The following PLS1 variants were observed in gnomAD, a reference collection of about 807,000 sequenced individuals.
The protein encoded by PLS1 is plastin-1.
Under a neutral mutation model 73.7 loss-of-function variants are expected in PLS1, and 32 were observed. The observed-to-expected ratio is 0.43, with a 90% CI of 0.33 to 0.58. The LOEUF is 0.58. Among genes scored for constraint, PLS1 ranks in the 20% least tolerant of loss-of-function variants. PLS1 has a pLI of 0.04. For missense variants in PLS1, 633 were observed against 740.5 expected, an observed-to-expected ratio of 0.85 and a Z score of 1.68; for synonymous variants, 217 against 261.3, an observed-to-expected ratio of 0.83 and a Z score of 1.63.
chr3:142,697,265 G>A (rs995571137), intron 11 of PLS1, among the ~76,000 whole-genome samples: 8 of 151,896 alleles, frequency 5.3e-5, no homozygotes, highest in Non-Finnish European at 8.8e-5. Flanking sequence ...CCTCATTCCC[G>A]AACACAAACA....
intron 1 of PLS1, among the ~76,000 whole-genome samples, chr3:142,632,337 T>G (rs2036583514): frequency 6.6e-6 from 1 of 152,178 alleles, no homozygotes; most frequent in Non-Finnish European, 1.5e-5. Flanking sequence ...ACATCTGTAT[T>G]CATAAGAGAA....
At chr3:142,679,029 A>C (rs1021519305) in intron 6 of PLS1, among the ~76,000 whole-genome samples, 15 of 151,502 alleles carry the variant, frequency 9.9e-5, no homozygotes, top group Non-Finnish European at 2.2e-4. Context: ...GCCAGTGATG[A>C]TGAGCATTTT....
At chr3:142,692,358 T>G (rs11929107) in intron 10 of PLS1, among the ~76,000 whole-genome samples, 31,670 of 152,060 alleles carry the variant, frequency 0.21, 3,897 homozygotes, top group Middle Eastern at 0.28. Flanking sequence ...AAATTGTATA[T>G]CAGATCTAGG....
At chr3:142,606,285 T>C (rs1402690517) in intron 1 of PLS1, among the ~76,000 whole-genome samples, 3 of 152,216 alleles carry the variant, frequency 2.0e-5, no homozygotes, top group Non-Finnish European at 4.4e-5. Flanking sequence ...TGCACAGTTT[T>C]TTTTTGAGTA....
intron 1 of PLS1, among the ~76,000 whole-genome samples, chr3:142,622,238 G>A (rs1327495591): frequency 2.0e-5 from 3 of 152,170 alleles, no homozygotes; most frequent in Admixed American, 1.3e-4. Context: ...AAATGTGAGT[G>A]TGTATTTTTA....
chr3:142,705,378 G>C (rs1274279604), intron 14 of PLS1, among the ~76,000 whole-genome samples: 1 of 152,112 alleles, frequency 6.6e-6, no homozygotes, highest in Non-Finnish European at 1.5e-5. Flanking sequence ...TTGTCATCTG[G>C]CTTCATAATG....
chr3:142,674,242 A>T (rs2037671668), intron 4 of PLS1, among the ~76,000 whole-genome samples: 1 of 152,206 alleles, frequency 6.6e-6, no homozygotes, highest in African/African-American at 2.4e-5. Flanking sequence ...GTGATCTCTG[A>T]ATTCCTAGAC....
chr3:142,691,120 C>A (rs1560071724), intron 10 of PLS1, among the ~76,000 whole-genome samples: 1 of 151,898 alleles, frequency 6.6e-6, no homozygotes, highest in South Asian at 2.1e-4. Context: ...TGCTTGACTG[C>A]CATAACCAAA....
At chr3:142,649,305 C>T (rs1477018658) in intron 1 of PLS1, among the ~76,000 whole-genome samples, 6 of 126,328 alleles carry the variant, frequency 4.7e-5, no homozygotes, top group African/African-American at 1.6e-4. Context: ...TACTGCACTC[C>T]AGTTTGGGTA....
chr3:142,672,864 AT>A (rs1434373092), intron 4 of PLS1, among the ~76,000 whole-genome samples: 1 of 152,152 alleles, frequency 6.6e-6, no homozygotes, highest in Admixed American at 6.5e-5. Flanking sequence ...TCACTATTTA[AT>A]TTCAGAACAC....
chr3:142,697,791 T>A (rs2038241363), intron 11 of PLS1, among the ~76,000 whole-genome samples, 162 bp from the exon 12 acceptor site: 1 of 152,208 alleles, frequency 6.6e-6, no homozygotes, highest in Non-Finnish European at 1.5e-5. Flanking sequence ...TTGGACAGAT[T>A]CTTAGACTGG....
chr3:142,688,909 A>T (rs575653881), intron 9 of PLS1, among the ~76,000 whole-genome samples: 1 of 152,170 alleles, frequency 6.6e-6, no homozygotes, highest in African/African-American at 2.4e-5. Context: ...CTTGTTTTTC[A>T]TCAAGAAGAG....
intron 1 of PLS1, among the ~76,000 whole-genome samples, chr3:142,646,666 A>T (rs140609012): frequency 2.6e-5 from 4 of 152,254 alleles, no homozygotes; most frequent in Non-Finnish European, 5.9e-5. Flanking sequence ...AAAGCAGCAC[A>T]TCATAGTTCT....
At chr3:142,612,125 A>G (rs115431124) in intron 1 of PLS1, among the ~76,000 whole-genome samples, 2,764 of 152,354 alleles carry the variant, frequency 0.018, 88 homozygotes, top group African/African-American at 0.063. Context: ...TTTCCTAAGA[A>G]ACAAGTACAT....
chr3:142,696,936 T>A (rs2038223022), intron 11 of PLS1, among the ~76,000 whole-genome samples: 2 of 152,040 alleles, frequency 1.3e-5, no homozygotes, highest in African/African-American at 4.8e-5. Flanking sequence ...ACTTTCTCCC[T>A]CTATCACCCA....
intron 1 of PLS1, among the ~76,000 whole-genome samples, chr3:142,603,213 G>A (rs7647212): frequency 0.22 from 33,157 of 152,132 alleles, 4,542 homozygotes; most frequent in African/African-American, 0.39. Flanking sequence ...GTGTCTGAAA[G>A]TGCCTATGTG....
At chr3:142,690,268 A>G (rs987557965) in intron 10 of PLS1, among the ~76,000 whole-genome samples, 3 of 152,202 alleles carry the variant, frequency 2.0e-5, no homozygotes, top group African/African-American at 7.2e-5. Flanking sequence ...CTCATAATAT[A>G]TAATACTTTC....
chr3:142,691,318 T>A (rs1480446883), intron 10 of PLS1, among the ~76,000 whole-genome samples: 2 of 151,970 alleles, frequency 1.3e-5, no homozygotes, highest in Non-Finnish European at 2.9e-5. Context: ...AAAATGTAGA[T>A]TTTTCAGCGA....
At chr3:142,599,953 G>T (rs950582692) in intron 1 of PLS1, among the ~76,000 whole-genome samples, 7 of 151,790 alleles carry the variant, frequency 4.6e-5, no homozygotes, top group African/African-American at 1.5e-4. Context: ...TAGAGATGGG[G>T]TCTCACTATT....
Sources: allele counts gnomAD v4.1 joint callset (sites outside exome capture counted in the v4.1 genomes callset), GRCh38; gene constraint gnomAD v4.1.1; transcripts MANE v1.5; gene names NCBI Gene and HGNC (gene_info 2026-07-23, HGNC 2026-07-21).